Variants in PPP1R16B observed in about 807,000 individuals in gnomAD.
PPP1R16B encodes the protein protein phosphatase 1 regulatory subunit 16B, also known as protein phosphatase 1 regulatory inhibitor subunit 16B.
Under a neutral mutation model 61.7 loss-of-function variants are expected in PPP1R16B, and 14 were observed. That is an observed-to-expected ratio of 0.23 (90% CI 0.15 to 0.35). PPP1R16B has a LOEUF of 0.35. Among genes scored for constraint, PPP1R16B ranks in the 10% least tolerant of loss-of-function variants. PPP1R16B has a pLI of 1.00. For missense variants in PPP1R16B, 547 were observed against 752.5 expected, an observed-to-expected ratio of 0.73 and a Z score of 3.19; for synonymous variants, 266 against 305.3, an observed-to-expected ratio of 0.87 and a Z score of 1.34.
intron 5 of PPP1R16B, among the ~76,000 whole-genome samples, chr20:38,901,253 A>G (rs551024391): frequency 2.0e-5 from 3 of 152,180 alleles, no homozygotes; most frequent in Admixed American, 6.5e-5. Flanking sequence ...CTGCAGCTGC[A>G]GTCCTGCCCT....
intron 2 of PPP1R16B, among the ~76,000 whole-genome samples, chr20:38,863,307 C>A (rs2085067152): frequency 6.6e-6 from 1 of 152,210 alleles, no homozygotes; most frequent in Non-Finnish European, 1.5e-5. Context: ...CCCCTCCTGT[C>A]TGTGAAGCAT....
chr20:38,846,919 C>A (rs980235678), intron 2 of PPP1R16B, among the ~76,000 whole-genome samples: 2 of 152,134 alleles, frequency 1.3e-5, no homozygotes, highest in Non-Finnish European at 1.5e-5. Flanking sequence ...GTGGGAGGAA[C>A]TTTTGAGCCC....
chr20:38,837,936 C>T (rs2145721297), intron 2 of PPP1R16B, among the ~76,000 whole-genome samples: 1 of 152,266 alleles, frequency 6.6e-6, no homozygotes, highest in South Asian at 2.1e-4. Context: ...ATATCATGAT[C>T]TGTACTATGT....
chr20:38,829,384 C>G (rs1398611859), intron 1 of PPP1R16B, among the ~76,000 whole-genome samples: 2 of 152,236 alleles, frequency 1.3e-5, no homozygotes, highest in African/African-American at 2.4e-5. Context: ...CTCCACAGAT[C>G]CCTGCCACAG....
At chr20:38,826,363 A>T (rs2084805247) in intron 1 of PPP1R16B, among the ~76,000 whole-genome samples, 1 of 151,956 alleles carries the variant, frequency 6.6e-6, no homozygotes, top group Non-Finnish European at 1.5e-5. Context: ...TGTAGACATC[A>T]TGTTAGCTTT....
chr20:38,819,727 G>T (rs148502663), intron 1 of PPP1R16B, among the ~76,000 whole-genome samples: 75 of 152,058 alleles, frequency 4.9e-4, no homozygotes, highest in African/African-American at 1.8e-3. Flanking sequence ...TCAATTTCTG[G>T]CTGCGTTCCA....
At chr20:38,819,323 G>A (rs2084758623) in intron 1 of PPP1R16B, among the ~76,000 whole-genome samples, 2 of 152,094 alleles carry the variant, frequency 1.3e-5, no homozygotes, top group Admixed American at 6.6e-5. Flanking sequence ...GGAATGCAGT[G>A]AGTGTTCAGT....
intron 1 of PPP1R16B, among the ~76,000 whole-genome samples, chr20:38,813,431 G>A (rs1479780736): frequency 6.6e-6 from 1 of 152,218 alleles, no homozygotes; most frequent in East Asian, 1.9e-4. Flanking sequence ...AAGTGTGCCA[G>A]GTGATTCTGA....
At position 38,836,135 on chromosome 20, in the gene PPP1R16B, G is replaced by A. The variant is rs1053959176; in HGVS notation, c.210G>A (p.Val70=). The A allele has an allele frequency of 1.2e-6, 2 of 1,612,120 alleles. No homozygotes were observed. Among genetic ancestry groups the A allele is most frequent in the East Asian group, 2.2e-5 (1 of 44,874 alleles). The change falls in exon 2 of 11, where the codon GTG becomes GTA. Residue 70 remains valine, a synonymous_variant. Transcript: ENST00000299824. ...RRKKVSFEAS[V]ALLEASLRND... is the part of the protein sequence containing the mutation. Reference sequence around the variant, plus strand: ...AGAAAGTGTCCTTCGAGGCCAGCGTGGCCCTGCTGGAGGCCTCGCTGAGGA... The same window carrying A: ...AGAAAGTGTCCTTCGAGGCCAGCGTAGCCCTGCTGGAGGCCTCGCTGAGGA...
At chr20:38,833,841 C>A (rs2084852638) in intron 1 of PPP1R16B, among the ~76,000 whole-genome samples, 1 of 152,220 alleles carries the variant, frequency 6.6e-6, no homozygotes, top group South Asian at 2.1e-4. Context: ...CGATCTGGAT[C>A]TGACCCAATC....
chr20:38,896,132 C>T lies in PPP1R16B; in HGVS notation c.467+422C>T, dbSNP rs916186805. Among the ~76,000 whole-genome samples, 5 of 95,232 alleles carry T rather than the reference C, an allele frequency of 5.3e-5. 1 individual carries two copies. Among genetic ancestry groups the T allele is most frequent in the African/African-American group, 1.8e-4 (4 of 22,332 alleles). 62.5% of individuals were successfully genotyped at this position (95,232 alleles called of 152,430 possible). A position where few individuals can be genotyped will look rare whatever the true frequency, so the allele number is the denominator to read the frequency against. ...CCTCCCTTCCTTCTTTCTTCCCTTC[C>T]TCCCTCCTTTCCTTCTTTCTTCCTC... On this transcript the variant is annotated intron_variant, in intron 4 of 10. Coordinates refer to ENST00000299824, the MANE Select transcript of PPP1R16B (RefSeq NM_015568.4).
At chr20:38,838,665 G>A (rs2084888814) in intron 2 of PPP1R16B, among the ~76,000 whole-genome samples, 1 of 152,232 alleles carries the variant, frequency 6.6e-6, no homozygotes, top group Non-Finnish European at 1.5e-5. Context: ...GGGGGCGGAA[G>A]TTCATCAGCT....
At chr20:38,855,589 C>G (rs1025403784) in intron 2 of PPP1R16B, among the ~76,000 whole-genome samples, 2 of 152,024 alleles carry the variant, frequency 1.3e-5, no homozygotes, top group Non-Finnish European at 2.9e-5. Context: ...TTAATCAGAT[C>G]CATAATGAAG....
At chr20:38,832,463 C>A (rs1256135591) in intron 1 of PPP1R16B, among the ~76,000 whole-genome samples, 2 of 152,142 alleles carry the variant, frequency 1.3e-5, no homozygotes, top group African/African-American at 4.8e-5. Flanking sequence ...CTTTTGAACT[C>A]CTTACTTCTA....
intron 2 of PPP1R16B, among the ~76,000 whole-genome samples, chr20:38,837,674 T>C (rs2084881635): frequency 6.6e-6 from 1 of 151,674 alleles, no homozygotes; most frequent in Admixed American, 6.6e-5. Flanking sequence ...GCCTCCCGAG[T>C]AGCTGGGATT....
chr20:38,908,224 A>C (rs752323046), intron 10 of PPP1R16B, 31 bp downstream of exon 10: 1 of 1,612,426 alleles, frequency 6.2e-7, no homozygotes, highest in Non-Finnish European at 8.5e-7. Flanking sequence ...CCCTAGTGTC[A>C]GCCACTGCAA....
chr20:38,909,432 G>A (rs547193246), intron 10 of PPP1R16B, among the ~76,000 whole-genome samples: 1 of 152,278 alleles, frequency 6.6e-6, no homozygotes, highest in South Asian at 2.1e-4. Context: ...GAGATTCCAG[G>A]TAGACATGAA....
intron 6 of PPP1R16B, 98 bp from the exon 7 acceptor site, chr20:38,905,871 C>T: frequency 5.4e-6 from 7 of 1,286,692 alleles, no homozygotes; most frequent in Non-Finnish European, 7.5e-6. Context: ...TCTACTGGCC[C>T]CAAGGATGCT....
chr20:38,857,354 T>C (rs1164220620), intron 2 of PPP1R16B, among the ~76,000 whole-genome samples: 1 of 152,242 alleles, frequency 6.6e-6, no homozygotes, highest in Non-Finnish European at 1.5e-5. Flanking sequence ...CTTTATAATT[T>C]TTTAATTAAA....
Sources: allele counts gnomAD v4.1 joint callset (sites outside exome capture counted in the v4.1 genomes callset), GRCh38; gene constraint gnomAD v4.1.1; transcripts MANE v1.5; gene names NCBI Gene and HGNC (gene_info 2026-07-23, HGNC 2026-07-21).